Variants in NCOA7 observed in about 807,000 individuals in gnomAD.
NCOA7 encodes 140 kDa estrogen receptor-associated protein.
Under a neutral mutation model 104.3 loss-of-function variants are expected in NCOA7, and 45 were observed. That is an observed-to-expected ratio of 0.43 (90% CI 0.34 to 0.55). NCOA7 has a LOEUF of 0.55. Ranked by LOEUF, NCOA7 falls within the 20% of genes least tolerant of loss-of-function variation. NCOA7 has a pLI of 0.02. For missense variants in NCOA7, 1,041 were observed against 1,119.7 expected (o/e 0.93, Z 1.00); for synonymous variants, 398 against 402.3 (o/e 0.99, Z 0.13).
At chr6:125,834,024 C>G (rs950836045) in intron 2 of NCOA7, among the ~76,000 whole-genome samples, 2 of 151,930 alleles carry the variant, frequency 1.3e-5, no homozygotes, top group Non-Finnish European at 2.9e-5. Flanking sequence ...TTTTTAAAAT[C>G]GTAATGCTTG....
intron 10 of NCOA7, chr6:125,899,970 T>C (rs1392834644): frequency 1.9e-6 from 1 of 532,526 alleles, no homozygotes; most frequent in Admixed American, 1.9e-5. Context: ...TGAGGGTCCA[T>C]TTCCACTGCA....
chr6:125,804,844 G>A (rs1284243856), intron 1 of NCOA7, among the ~76,000 whole-genome samples: 1 of 151,984 alleles, frequency 6.6e-6, no homozygotes, highest in African/African-American at 2.4e-5. Flanking sequence ...TCCATTTTCT[G>A]TGAGGAAATA....
chr6:125,862,094 C>A (rs1318911517), intron 3 of NCOA7, among the ~76,000 whole-genome samples: 2 of 120,948 alleles, frequency 1.7e-5, no homozygotes, highest in Admixed American at 1.6e-4. Flanking sequence ...GTAGGGGAGA[C>A]GTGAATGAAG....
intron 1 of NCOA7, among the ~76,000 whole-genome samples, chr6:125,792,270 A>G (rs1175163760): frequency 6.6e-6 from 1 of 152,214 alleles, no homozygotes; most frequent in East Asian, 1.9e-4. Flanking sequence ...TTATTTTAAC[A>G]TTTATATTTC....
intron 1 of NCOA7, among the ~76,000 whole-genome samples, chr6:125,803,000 C>G (rs1004955978): frequency 4.1e-4 from 62 of 152,316 alleles, no homozygotes; most frequent in African/African-American, 1.5e-3. Context: ...ATTTTGCTAA[C>G]CACAATACTA....
chr6:125,891,848 A>G (rs182558398), intron 10 of NCOA7, among the ~76,000 whole-genome samples: 82 of 152,344 alleles, frequency 5.4e-4, no homozygotes, highest in Middle Eastern at 6.8e-3. Context: ...GGCATTAAAC[A>G]TAACTTGTTT....
At chr6:125,846,530 G>T (rs1380470288) in intron 2 of NCOA7, among the ~76,000 whole-genome samples, 2 of 152,150 alleles carry the variant, frequency 1.3e-5, no homozygotes, top group Admixed American at 6.5e-5. Flanking sequence ...AGGTTGCAGG[G>T]CTGATTACAG....
intron 6 of NCOA7, 101 bp from the exon 7 acceptor site, chr6:125,882,325 A>G: frequency 8.3e-7 from 1 of 1,199,108 alleles, no homozygotes; most frequent in Non-Finnish European, 1.2e-6. Flanking sequence ...CCACTTAAAT[A>G]GAAATAGTAT....
chr6:125,902,739 GT>G lies in NCOA7; in HGVS notation c.2096+11930del, dbSNP rs1348325639. On this transcript the variant is annotated intron_variant, in intron 10 of 15. Coordinates refer to ENST00000392477, the MANE Select transcript of NCOA7 (RefSeq NM_181782.5). The stretch of plus-strand genomic sequence containing the variant: ...AACTAGCAAAACCAGGACAGTGGAA[GT>G]GACCCTAAAAGAAACAGTAAAGCAT... 2.6e-5 allele frequency among the ~76,000 whole-genome samples: 4 copies of G among 152,142 alleles called. 1 individual carries two copies. The highest frequency in any genetic ancestry group is 2.6e-4 in the Admixed American group (4 of 15,280).
chr6:125,898,842 T>G (rs1785258457), intron 10 of NCOA7, among the ~76,000 whole-genome samples: 1 of 152,156 alleles, frequency 6.6e-6, no homozygotes, highest in African/African-American at 2.4e-5. Context: ...ATGTATTTGT[T>G]ATTTCTTATA....
At chr6:125,893,652 G>T (rs1418408357) in intron 10 of NCOA7, among the ~76,000 whole-genome samples, 1 of 152,138 alleles carries the variant, frequency 6.6e-6, no homozygotes, top group Non-Finnish European at 1.5e-5. Flanking sequence ...ACCTTGCATA[G>T]TCTCCGTTAA....
intron 10 of NCOA7, among the ~76,000 whole-genome samples, chr6:125,893,330 T>C (rs1043584982): frequency 6.6e-6 from 1 of 152,230 alleles, no homozygotes; most frequent in Middle Eastern, 3.2e-3. Flanking sequence ...GGCAAGTCTC[T>C]TTGACTTATC....
chr6:125,818,411 C>CA (rs1173879863), intron 2 of NCOA7, among the ~76,000 whole-genome samples: 1 of 151,986 alleles, frequency 6.6e-6, no homozygotes, highest in Non-Finnish European at 1.5e-5. Context: ...AAAAATGAAA[C>CA]AAAAAACGTA....
chr6:125,885,720 G>C (rs1230169829), intron 8 of NCOA7, among the ~76,000 whole-genome samples: 3 of 152,194 alleles, frequency 2.0e-5, no homozygotes, highest in African/African-American at 7.2e-5. Flanking sequence ...TAATTAAGGA[G>C]AGTTATGTTT....
chr6:125,904,434 T>C (rs1327415248), intron 10 of NCOA7, among the ~76,000 whole-genome samples: 6 of 152,208 alleles, frequency 3.9e-5, no homozygotes, highest in Admixed American at 3.9e-4. Context: ...TCTGATGGCA[T>C]TGTCCTCCTT....
chr6:125,784,409 C>G (rs1016224790), intron 1 of NCOA7, among the ~76,000 whole-genome samples: 1 of 152,108 alleles, frequency 6.6e-6, no homozygotes, highest in African/African-American at 2.4e-5. Flanking sequence ...GATTAAAAAT[C>G]CATCTTTTAT....
rs537581582 is a variant in NCOA7 at position 125,823,377 on chromosome 6, G to A, written c.50+7973G>A. ...ATCACTACAAATTTTTCAGTATTCA[G>A]CAATTTTATTAATCTTAAAAATATT... On this transcript the variant is annotated intron_variant, in intron 2 of 15. Transcript: ENST00000392477. 3.3e-5 allele frequency among the ~76,000 whole-genome samples: 5 copies of A among 152,154 alleles called. No homozygotes were observed. The South Asian group carries it at 6.2e-4, about 19-fold the overall frequency.
intron 2 of NCOA7, among the ~76,000 whole-genome samples, chr6:125,824,763 A>AT (rs1778501380): frequency 6.6e-6 from 1 of 151,810 alleles, no homozygotes; most frequent in Admixed American, 6.6e-5. Context: ...CTCTTTTTTA[A>AT]TTTTTTTCTC....
rs1452934510 is a variant in NCOA7 at position 125,929,646 on chromosome 6, T to C, written c.*875T>C. On this transcript the variant is annotated 3_prime_UTR_variant, in exon 16 of 16. Transcript: ENST00000392477. The stretch of plus-strand genomic sequence containing the variant: ...CATTTTTAGTTACTTACCTTGAACA[T>C]ATTCGTGTGAAAAAGAATACATCAT... 1 of 152,180 alleles carries C rather than the reference T, an allele frequency of 6.6e-6. No individual in the cohort carries two copies. The highest frequency in any genetic ancestry group is 1.5e-5 in the Non-Finnish European group (1 of 68,008). The allele number at this position is 152,180 out of a possible 1,614,324, so 9.4% of individuals were successfully genotyped here.
Sources: gnomAD v4.1 joint callset for allele counts (sites outside exome capture counted in the v4.1 genomes callset) on GRCh38, gnomAD v4.1.1 for gene constraint, MANE v1.5 for transcripts, NCBI Gene and HGNC (gene_info 2026-07-23, HGNC 2026-07-21) for gene names.